TNFAIP1: variants seen among roughly 807,000 people sequenced by gnomAD.
TNFAIP1 encodes TNF alpha induced protein 1, also known as BTB/POZ domain-containing adapter for CUL3-mediated RhoA degradation protein 2.
A neutral mutation model predicts 32.6 loss-of-function variants in TNFAIP1; 20 were observed. The ratio of observed to expected loss-of-function variants is 0.61; its 90% CI spans 0.43 to 0.89. TNFAIP1 has a LOEUF of 0.89. TNFAIP1 is among the 40% of genes least tolerant of loss of function. TNFAIP1 has a pLI of 0.00. For synonymous variants in TNFAIP1, 166 were observed against 166.8 expected (o/e 1.00, Z 0.04); for missense variants, 319 against 425.1 (o/e 0.75, Z 2.20).
At chr17:28,344,023 T>C (rs1451883761) in intron 6 of TNFAIP1, among the ~76,000 whole-genome samples, 2 of 152,168 alleles carry the variant, frequency 1.3e-5, no homozygotes, top group African/African-American at 2.4e-5. Context: ...TTTGTACATA[T>C]GGGAGCTGCA....
chr17:28,338,385 A>G lies in TNFAIP1; in HGVS notation c.-114-1023A>G, dbSNP rs990259609. Among the ~76,000 whole-genome samples the G allele has an allele frequency of 2.6e-5, 4 of 152,184 alleles. No homozygotes were observed. The East Asian group carries it at 7.7e-4, about 29-fold the overall frequency. Reference sequence around the variant, plus strand: ...TCCCTCTCAGGAAAAAGAAAGGAAAACAGCCATCCTATAGCTGTTCTTCCC... The same window carrying G: ...TCCCTCTCAGGAAAAAGAAAGGAAAGCAGCCATCCTATAGCTGTTCTTCCC... On this transcript the variant is annotated intron_variant, in intron 1 of 6. Coordinates refer to ENST00000226225, the MANE Select transcript of TNFAIP1 (RefSeq NM_021137.5).
rs553170233 is a variant in TNFAIP1, at chr17:28,345,077, T to C, written c.*477T>C. 1.1e-5 allele frequency: 2 copies of C among 175,854 alleles called. No homozygotes were observed. Among genetic ancestry groups the C allele is most frequent in the East Asian group, 1.4e-4 (1 of 7,192 alleles). The allele number at this position is 175,854 out of a possible 1,614,324, so 10.9% of individuals were successfully genotyped here. A position where few individuals can be genotyped will look rare whatever the true frequency, so the allele number is the denominator to read the frequency against. On this transcript the variant is annotated 3_prime_UTR_variant, in exon 7 of 7. Transcript: ENST00000226225. ...AATCTAGGAAATGAATAATTCTAAATCTAGTAATGAGGAAACTGAGCATTT... is the reference window on the plus strand; with the variant it reads ...AATCTAGGAAATGAATAATTCTAAACCTAGTAATGAGGAAACTGAGCATTT...
intron 6 of TNFAIP1, among the ~76,000 whole-genome samples, chr17:28,343,209 C>G (rs888483427): frequency 2.1e-4 from 32 of 152,116 alleles, no homozygotes; most frequent in African/African-American, 2.4e-5. Flanking sequence ...GGGTTTCTGG[C>G]TAATCAACTT....
intron 1 of TNFAIP1, among the ~76,000 whole-genome samples, 182 bp downstream of exon 1, chr17:28,336,038 C>T (rs577042652): frequency 2.1e-4 from 32 of 152,210 alleles, no homozygotes; most frequent in South Asian, 1.5e-3. Context: ...GAGGAGTGGT[C>T]CGGGCTAGAG....
chr17:28,342,471 G>A lies in TNFAIP1; in HGVS notation c.714+29G>A, dbSNP rs1555578335. 2 of 1,559,186 alleles carry A rather than the reference G, an allele frequency of 1.3e-6. No individual in the cohort carries two copies. Among genetic ancestry groups the A allele is most frequent in the Admixed American group, 1.7e-5 (1 of 58,452 alleles). The stretch of plus-strand genomic sequence containing the variant: ...TGGGGGATTGCCCCTGCCTGGGTAG[G>A]GGAGGACACACACCCACTGTGCGGG... On this transcript the variant is annotated intron_variant, in intron 6 of 6. Transcript: ENST00000226225. The surrounding 1 kb of genome is among the most constrained non-coding windows in gnomAD (Gnocchi z 4.0).
chr17:28,340,498 C>G lies in TNFAIP1; in HGVS notation c.375+20C>G, dbSNP rs1219356277. The G allele has an allele frequency of 2.5e-6, 4 of 1,610,948 alleles. No individual in the cohort carries two copies. Among genetic ancestry groups the G allele is most frequent in the South Asian group, 2.2e-5 (2 of 90,936 alleles). On this transcript the variant is annotated intron_variant, in intron 3 of 6. Coordinates refer to ENST00000226225, the MANE Select transcript of TNFAIP1 (RefSeq NM_021137.5). The surrounding 1 kb of genome is among the most constrained non-coding windows in gnomAD (Gnocchi z 4.1). The stretch of plus-strand genomic sequence containing the variant: ...CTGCAGGTACATGGGTGGGGCGGAG[C>G]AGGGCGGGCAGATGAGGTCAGGAGT...
rs904159817 is a variant in TNFAIP1, at chr17:28,346,776, G to C, written c.*2176G>C. 6.6e-6 allele frequency: 1 copy of C among 152,184 alleles called. No homozygotes were observed. Among genetic ancestry groups the C allele is most frequent in the African/African-American group, 2.4e-5 (1 of 41,430 alleles). 9.4% of individuals were successfully genotyped at this position (152,184 alleles called of 1,614,324 possible). A position where few individuals can be genotyped will look rare whatever the true frequency, so the allele number is the denominator to read the frequency against. ...CCCAGGGGTAAGTAAACAAAGTATG[G>C]ATGAAGGTCAGATTTTCTTGTCAGT... On this transcript the variant is annotated 3_prime_UTR_variant, in exon 7 of 7. Coordinates refer to ENST00000226225, the MANE Select transcript of TNFAIP1 (RefSeq NM_021137.5).
chr17:28,341,535 GTGGGTCTGGGCC>G, intron 5 of TNFAIP1, 79 bp downstream of exon 5: 1 of 1,529,054 alleles, frequency 6.5e-7, no homozygotes. Context: ...CACGGTCGGC[GTGGGTCTGGGCC>G]TGGGTCTTGG....
In TNFAIP1 at chr17:28,339,535, C is replaced by G. The variant is rs1441819319; in HGVS notation, c.14C>G (p.Thr5Ser). 9 of 1,604,142 alleles carry G rather than the reference C, an allele frequency of 5.6e-6. No individual in the cohort carries two copies. Among genetic ancestry groups the G allele is most frequent in the Non-Finnish European group, 6.8e-6 (8 of 1,174,208 alleles). ...CTGCAGCGGGAGATGTCGGGGGACA[C>G]CTGCCTGTGCCCAGCCTCAGGGGCC... MSGD[T>S]CLCPASGAKP... Residue 5 changes from threonine to serine, a missense_variant, in exon 2 of 7, where the codon ACC becomes AGC. By Grantham distance (58) the Thr-to-Ser change is moderately conservative. Coordinates refer to ENST00000226225, the MANE Select transcript of TNFAIP1 (RefSeq NM_021137.5).
At chr17:28,338,888 G>C (rs1907259524) in intron 1 of TNFAIP1, among the ~76,000 whole-genome samples, 1 of 151,928 alleles carries the variant, frequency 6.6e-6, no homozygotes, top group Non-Finnish European at 1.5e-5. Context: ...GAGGTGACCA[G>C]GGCAGGAGTC....
In TNFAIP1 at chr17:28,344,650, G is replaced by T; in HGVS notation, c.*50G>T. 6.3e-7 allele frequency: 1 copy of T among 1,582,988 alleles called. No homozygotes were observed. Among genetic ancestry groups the T allele is most frequent in the South Asian group, 1.1e-5 (1 of 90,454 alleles). Reference sequence around the variant, plus strand: ...CGGGAGGCCCTATCTCCCATCCTGTGGAACCCGCCCCATTGGCCACCCCAT... The same window carrying T: ...CGGGAGGCCCTATCTCCCATCCTGTTGAACCCGCCCCATTGGCCACCCCAT... On this transcript the variant is annotated 3_prime_UTR_variant, in exon 7 of 7. Transcript: ENST00000226225.
intron 1 of TNFAIP1, among the ~76,000 whole-genome samples, chr17:28,338,810 A>C (rs1371328520): frequency 3.3e-5 from 5 of 151,800 alleles, no homozygotes; most frequent in African/African-American, 1.2e-4. Context: ...GGCCCTCTCT[A>C]ACTGGTTCCA....
Position 28,339,631 on chromosome 17 carries a change from C to T in TNFAIP1, c.110C>T (p.Ser37Phe). 6.2e-7 allele frequency: 1 copy of T among 1,613,950 alleles called. No individual in the cohort carries two copies. The highest frequency in any genetic ancestry group is 8.5e-7 in the Non-Finnish European group (1 of 1,180,014). ...TATGTCCAGCTCAACGTGGGCGGCT[C>T]TCTGTACTACACCACTGTGCGGGCC... ...NKYVQLNVGG[S>F]LYYTTVRALT... Residue 37 changes from serine to phenylalanine, a missense_variant, in exon 2 of 7, where the codon TCT becomes TTT. By Grantham distance (155) the Ser-to-Phe change is radical. Coordinates refer to ENST00000226225, the MANE Select transcript of TNFAIP1 (RefSeq NM_021137.5).
Position 28,346,148 on chromosome 17 carries a change from G to C in TNFAIP1, c.*1548G>C, listed in dbSNP as rs183965660. The C allele has an allele frequency of 1.3e-5, 2 of 152,242 alleles. No homozygotes were observed. Among genetic ancestry groups the C allele is most frequent in the African/African-American group, 4.8e-5 (2 of 41,442 alleles). 9.4% of individuals were successfully genotyped at this position (152,242 alleles called of 1,614,324 possible). A position where few individuals can be genotyped will look rare whatever the true frequency, so the allele number is the denominator to read the frequency against. ...ACACAAGGACCTGAAGTGACATGAC[G>C]GCGGGACAGGGGAAATGTGACTTTC... On this transcript the variant is annotated 3_prime_UTR_variant, in exon 7 of 7. Coordinates refer to ENST00000226225, the MANE Select transcript of TNFAIP1 (RefSeq NM_021137.5).
chr17:28,339,785 G>T lies in TNFAIP1; in HGVS notation c.205+59G>T, dbSNP rs550768633. ...GGGCAGGAGGAGTTCCCAAGGAAAT[G>T]ACCAGATCTAGAATTCAGTCACTTT... On this transcript the variant is annotated intron_variant, in intron 2 of 6. Coordinates refer to ENST00000226225, the MANE Select transcript of TNFAIP1 (RefSeq NM_021137.5). 7 of 1,561,256 alleles carry T rather than the reference G, an allele frequency of 4.5e-6. No individual in the cohort carries two copies. In the East Asian group the frequency reaches 1.1e-4, roughly 25 times the overall value.
chr17:28,339,745 C>T lies in TNFAIP1; in HGVS notation c.205+19C>T, dbSNP rs782373784. On this transcript the variant is annotated intron_variant, in intron 2 of 6. Coordinates refer to ENST00000226225, the MANE Select transcript of TNFAIP1 (RefSeq NM_021137.5). ...AAAGAAGGTGAGGCACTGGGGCTGC[C>T]GCTCGGGGTGGGGAGGGCAGGAGGA... The T allele has an allele frequency of 2.3e-5, 37 of 1,609,892 alleles. 1 individual carries two copies. Among genetic ancestry groups the T allele is most frequent in the Middle Eastern group, 1.7e-4 (1 of 6,006 alleles).
In TNFAIP1 at chr17:28,346,281, G is replaced by C. The variant is rs1413145518; in HGVS notation, c.*1681G>C. The C allele has an allele frequency of 2.0e-5, 3 of 152,200 alleles. No homozygotes were observed. Among genetic ancestry groups the C allele is most frequent in the African/African-American group, 7.2e-5 (3 of 41,438 alleles). 9.4% of individuals were successfully genotyped at this position (152,200 alleles called of 1,614,324 possible). Reference sequence around the variant, plus strand: ...TACTAGTTCTTCCAGCCCTCATTGAGGTAACAAGATAAAGACAAATCCACT... The same window carrying C: ...TACTAGTTCTTCCAGCCCTCATTGACGTAACAAGATAAAGACAAATCCACT... On this transcript the variant is annotated 3_prime_UTR_variant, in exon 7 of 7. Transcript: ENST00000226225.
intron 1 of TNFAIP1, among the ~76,000 whole-genome samples, 185 bp downstream of exon 1, chr17:28,336,041 G>A (rs1212740410): frequency 3.9e-5 from 6 of 152,164 alleles, no homozygotes; most frequent in African/African-American, 9.7e-5. Flanking sequence ...GAGTGGTCCG[G>A]GCTAGAGAAG....
chr17:28,339,488 C>T lies in TNFAIP1; in HGVS notation c.-34C>T, dbSNP rs1555577798. On this transcript the variant is annotated 5_prime_UTR_variant, in exon 2 of 7. Coordinates refer to ENST00000226225, the MANE Select transcript of TNFAIP1 (RefSeq NM_021137.5). ...CCACGGCGGAGCCTTCCAAGCCTAC[C>T]TCCTGCCGTGTGGTGATCTACCTGC... The T allele has an allele frequency of 3.2e-6, 5 of 1,556,994 alleles. No homozygotes were observed. The highest frequency in any genetic ancestry group is 3.5e-6 in the Non-Finnish European group (4 of 1,151,908).
Sources: gnomAD v4.1 joint callset for allele counts (sites outside exome capture counted in the v4.1 genomes callset) on GRCh38, gnomAD v4.1.1 for gene constraint, Gnocchi (gnomAD v3.1) non-coding constraint, MANE v1.5 for transcripts, NCBI Gene and HGNC (gene_info 2026-07-23, HGNC 2026-07-21) for gene names.